PHTF2: variants seen among roughly 807,000 people sequenced by gnomAD.
The protein encoded by PHTF2 is protein PHTF2.
A neutral mutation model predicts 101.2 loss-of-function variants in PHTF2; 60 were observed. The observed-to-expected ratio is 0.59, with a 90% CI of 0.48 to 0.73. PHTF2 has a LOEUF of 0.73. Ranked by LOEUF, PHTF2 falls within the 30% of genes least tolerant of loss-of-function variation. The probability of loss-of-function intolerance (pLI) is 0.00; values close to 1 mark genes in which losing one functional copy is unlikely to be tolerated. For synonymous variants in PHTF2, 311 were observed against 307.3 expected, an observed-to-expected ratio of 1.01 and a Z score of -0.13; for missense variants, 747 against 908.7, an observed-to-expected ratio of 0.82 and a Z score of 2.29.
intron 3 of PHTF2, among the ~76,000 whole-genome samples, chr7:77,864,007 T>C (rs1326846679): frequency 6.6e-6 from 1 of 152,158 alleles, no homozygotes; most frequent in African/African-American, 2.4e-5. Context: ...CTCAAACTCC[T>C]GAGCTCAAGT....
At chr7:77,868,739 T>C (rs1798280805) in intron 3 of PHTF2, among the ~76,000 whole-genome samples, 1 of 152,326 alleles carries the variant, frequency 6.6e-6, no homozygotes, top group Non-Finnish European at 1.5e-5. Flanking sequence ...GCCTATGGGC[T>C]TTTATGCTTG....
chr7:77,956,983 G>A (rs1432715807), exon 20 of PHTF2: 1 of 152,126 alleles, frequency 6.6e-6, no homozygotes, highest in Non-Finnish European at 1.5e-5. Flanking sequence ...AAAGGAAAAT[G>A]TCATGTTAAG....
chr7:77,912,872 A>C (rs776937609), intron 9 of PHTF2, among the ~76,000 whole-genome samples: 1 of 151,638 alleles, frequency 6.6e-6, no homozygotes, highest in Non-Finnish European at 1.5e-5. Context: ...AGCTGGGACT[A>C]TAGGCATTTG....
chr7:77,911,236 C>A (rs2150871867), intron 9 of PHTF2, among the ~76,000 whole-genome samples: 1 of 151,796 alleles, frequency 6.6e-6, no homozygotes, highest in South Asian at 2.1e-4. Flanking sequence ...TACAACTATA[C>A]AAAAATGGCT....
At chr7:77,954,610 G>A (rs959849280) in intron 19 of PHTF2, among the ~76,000 whole-genome samples, 17 of 82,530 alleles carry the variant, frequency 2.1e-4, no homozygotes, top group African/African-American at 1.1e-3. Context: ...AACAAGTACT[G>A]TGTATATATA....
intron 15 of PHTF2, 67 bp downstream of exon 14, chr7:77,940,726 C>CAATATACATCTAGAGACA: frequency 8.9e-7 from 1 of 1,129,166 alleles, no homozygotes; most frequent in Non-Finnish European, 1.3e-6. Flanking sequence ...GTTTCTTTAT[C>CAATATACATCTAGAGACA]AATATATATT....
In PHTF2 at chr7:77,898,082, C is replaced by A. The variant is rs544529614; in HGVS notation, c.217-2629C>A. Among the ~76,000 whole-genome samples the A allele has an allele frequency of 5.1e-4, 77 of 150,978 alleles. No homozygotes were observed. In the South Asian group the frequency reaches 0.014, roughly 28 times the overall value. On this transcript the variant is annotated intron_variant, in intron 5 of 19. Coordinates refer to ENST00000416283, the Ensembl canonical transcript of PHTF2. ...AACTGGCTATTAGGGTGTGGCTCTA[C>A]AATATAGCTCAAAATAAATATATTT...
chr7:77,894,021 G>A (rs1483897312), intron 5 of PHTF2, 28 bp downstream of exon 4: 1 of 1,541,850 alleles, frequency 6.5e-7, no homozygotes, highest in Non-Finnish European at 9.0e-7. Context: ...TTTCCCGCCT[G>A]AGTGATCCTG....
At chr7:77,847,830 C>T (rs554061866) in intron 2 of PHTF2, among the ~76,000 whole-genome samples, 1 of 152,114 alleles carries the variant, frequency 6.6e-6, no homozygotes, top group African/African-American at 2.4e-5. Context: ...TGGTTTTGCA[C>T]CCATTAACCA....
chr7:77,834,121 T>C (rs549748772), intron 1 of PHTF2, among the ~76,000 whole-genome samples: 27 of 152,108 alleles, frequency 1.8e-4, no homozygotes, highest in African/African-American at 5.8e-4. Flanking sequence ...TTTTCCAGCC[T>C]GGACAACATA....
intron 16 of PHTF2, among the ~76,000 whole-genome samples, chr7:77,945,606 A>G (rs1372480969): frequency 6.6e-6 from 1 of 152,210 alleles, no homozygotes; most frequent in Non-Finnish European, 1.5e-5. Flanking sequence ...CCATACAAAT[A>G]ATACATTCTT....
At chr7:77,864,084 G>A (rs1193864249) in intron 3 of PHTF2, among the ~76,000 whole-genome samples, 4 of 152,088 alleles carry the variant, frequency 2.6e-5, no homozygotes, top group African/African-American at 7.2e-5. Context: ...CCAGCCCCAC[G>A]GAGTTCTTAT....
intron 2 of PHTF2, chr7:77,854,582 C>T (rs1286446460): frequency 1.3e-5 from 8 of 612,904 alleles, no homozygotes; most frequent in Non-Finnish European, 2.4e-5. Flanking sequence ...AACCCCAGCC[C>T]AGGGCAGGTA....
intron 11 of PHTF2, among the ~76,000 whole-genome samples, chr7:77,927,550 C>T (rs575723511): frequency 5.9e-5 from 9 of 151,270 alleles, no homozygotes; most frequent in African/African-American, 1.7e-4. Context: ...GAGTGAAGAT[C>T]ACGTGCCACT....
Position 77,910,228 on chromosome 7 carries a change from A to C in PHTF2, c.612-17A>C, listed in dbSNP as rs774636169. ...AATATTAAAGCTGCCTTCCATTCTTAATCTCTTCTGATGAAGGAAATTAAG... is the reference window on the plus strand; with the variant it reads ...AATATTAAAGCTGCCTTCCATTCTTCATCTCTTCTGATGAAGGAAATTAAG... On this transcript the variant is annotated splice_polypyrimidine_tract_variant and intron_variant, in intron 8 of 19. Transcript: ENST00000416283. The C allele has an allele frequency of 6.3e-7, 1 of 1,598,206 alleles. No homozygotes were observed. The highest frequency in any genetic ancestry group is 1.1e-5 in the South Asian group (1 of 87,988).
chr7:77,863,254 T>C lies in PHTF2; in HGVS notation c.147+8420T>C, dbSNP rs139495232. Among the ~76,000 whole-genome samples the C allele has an allele frequency of 3.7e-3, 561 of 152,342 alleles. 6 individuals are homozygous for C. Among genetic ancestry groups the C allele is most frequent in the South Asian group, 4.1e-3 (20 of 4,830 alleles). On this transcript the variant is annotated intron_variant, in intron 3 of 19. Coordinates refer to ENST00000416283, the Ensembl canonical transcript of PHTF2. ...CCTAGTTTGTGGAGAAGGGGGATAG[T>C]GTAATCTCTAATGAAGTAGGATGGT... is the stretch of plus-strand genomic sequence containing the variant.
At chr7:77,821,651 TAGGCCCAGGAGC>T (rs1794301747) in intron 1 of PHTF2, among the ~76,000 whole-genome samples, 1 of 152,038 alleles carries the variant, frequency 6.6e-6, no homozygotes. Flanking sequence ...GAGCTGTTTA[TAGGCCCAGGAGC>T]AGGCACAGGG....
intron 17 of PHTF2, 94 bp from the exon 17 acceptor site, chr7:77,951,523 T>G (rs992621472): frequency 1.7e-6 from 1 of 577,564 alleles, no homozygotes; most frequent in African/African-American, 2.0e-5. Context: ...TCACCTATAA[T>G]CTCAATAACC....
chr7:77,939,425 G>A (rs1584773114), intron 13 of PHTF2, among the ~76,000 whole-genome samples: 1 of 151,898 alleles, frequency 6.6e-6, no homozygotes, highest in East Asian at 1.9e-4. Flanking sequence ...GAGCAACATA[G>A]TGAAACCCTG....
Sources: gnomAD v4.1 joint callset for allele counts (sites outside exome capture counted in the v4.1 genomes callset) on GRCh38, gnomAD v4.1.1 for gene constraint, MANE v1.5 for transcripts, NCBI Gene and HGNC (gene_info 2026-07-23, HGNC 2026-07-21) for gene names.